Variants in ZNF395 observed in about 807,000 individuals in gnomAD.
ZNF395 encodes HD gene regulatory region-binding protein 2.
ZNF395 carries 20 observed loss-of-function variants against 57.7 expected under a neutral mutation model. The ratio of observed to expected loss-of-function variants is 0.35; its 90% confidence interval spans 0.24 to 0.50. The LOEUF (loss-of-function observed/expected upper bound fraction) is 0.50, where lower values mean the gene tolerates loss of function less well. Among genes scored for constraint, ZNF395 ranks in the 20% least tolerant of loss-of-function variants. ZNF395 has a pLI of 0.97. For missense variants in ZNF395, 606 were observed against 671.2 expected, an observed-to-expected ratio of 0.90 and a Z score of 1.07; for synonymous variants, 295 against 275.9, an observed-to-expected ratio of 1.07 and a Z score of -0.69.
At chr8:28,386,372 C>G (rs1374238762) in intron 1 of ZNF395, 21 bp downstream of exon 1, 1 of 149,280 alleles carries the variant, frequency 6.7e-6, no homozygotes, top group Non-Finnish European at 1.5e-5. Flanking sequence ...AGCACGCCCC[C>G]AGCGCGCCTG....
intron 1 of ZNF395, among the ~76,000 whole-genome samples, chr8:28,369,301 G>A (rs892836238): frequency 1.1e-4 from 17 of 152,162 alleles, no homozygotes; most frequent in African/African-American, 3.9e-4. Context: ...GAACTCAAAT[G>A]TCACTTCAAT....
At chr8:28,367,488 C>T (rs1801924739) in intron 1 of ZNF395, among the ~76,000 whole-genome samples, 1 of 152,246 alleles carries the variant, frequency 6.6e-6, no homozygotes, top group Non-Finnish European at 1.5e-5. Flanking sequence ...AATATTCCTG[C>T]TGGTCTGACT....
Position 28,346,249 on chromosome 8 carries a change from G to C in ZNF395, c.*2470C>G, listed in dbSNP as rs575641955. On this transcript the variant is annotated 3_prime_UTR_variant, in exon 10 of 10. Transcript: ENST00000344423. ...CACCTACGGCACCTTCCTTCCATCA[G>C]AGTCTGCTGCCCGGGTGGGCTGGGA... 3 of 152,204 alleles carry C rather than the reference G, an allele frequency of 2.0e-5. No individual in the cohort carries two copies. Among genetic ancestry groups the C allele is most frequent in the Non-Finnish European group, 4.4e-5 (3 of 68,040 alleles). 9.4% of individuals were successfully genotyped at this position (152,204 alleles called of 1,614,324 possible).
rs1363500461 is a variant in ZNF395, at chr8:28,384,114, C to G, written c.-59+2279G>C. On this transcript the variant is annotated intron_variant, in intron 1 of 9. Coordinates refer to ENST00000344423, the MANE Select transcript of ZNF395 (RefSeq NM_018660.3). The stretch of plus-strand genomic sequence containing the variant: ...TCTGGCCACCCTGCAACTCCAACAG[C>G]CTGCTCACTGATGTGTCCCCCTAAC... Among the ~76,000 whole-genome samples the G allele has an allele frequency of 2.0e-5, 3 of 152,252 alleles. 1 individual carries two copies. The South Asian group carries it at 6.2e-4, about 32-fold the overall frequency.
chr8:28,381,450 T>G (rs1335919506), intron 1 of ZNF395, among the ~76,000 whole-genome samples: 1 of 152,194 alleles, frequency 6.6e-6, no homozygotes, highest in African/African-American at 2.4e-5. Context: ...CCCAAAGTGC[T>G]GGGATTACAG....
At chr8:28,371,614 T>C (rs531311442) in intron 1 of ZNF395, among the ~76,000 whole-genome samples, 5 of 152,170 alleles carry the variant, frequency 3.3e-5, no homozygotes, top group African/African-American at 1.2e-4. Context: ...GTATTAGTGG[T>C]TGTGGCATGG....
Position 28,348,763 on chromosome 8 carries a change from T to C in ZNF395, c.1498A>G (p.Thr500Ala). 1 of 1,614,062 alleles carries C rather than the reference T, an allele frequency of 6.2e-7. No homozygotes were observed. Among genetic ancestry groups the C allele is most frequent in the Non-Finnish European group, 8.5e-7 (1 of 1,179,988 alleles). ...CAGGCCTTCTTCCACCGGCAGGCCG[T>C]GCACCACTGGTCCCGGTGCTCGATG... ...YGIEHRDQWC[T>A]ACRWKKACQR... The change falls in exon 10 of 10, where the codon ACG becomes GCG. Residue 500 changes from threonine (T) to alanine (A), a missense_variant. This residue lies in a region of ZNF395 where 36 missense variants were observed against 56.2 expected (regional missense o/e 0.64). Transcript: ENST00000344423.
intron 7 of ZNF395, 27 bp downstream of exon 7, chr8:28,351,468 G>C: frequency 6.4e-7 from 1 of 1,559,002 alleles, no homozygotes; most frequent in South Asian, 1.2e-5. Context: ...CTATGAGCCT[G>C]AGCCTCCAGC....
chr8:28,349,958 G>A (rs111760606), intron 8 of ZNF395, 106 bp downstream of exon 8: 48,175 of 1,013,874 alleles, frequency 0.048, 1,406 homozygotes, highest in Non-Finnish European at 0.056. Context: ...TGGCCACACC[G>A]ACCTGTGGCC....
intron 1 of ZNF395, among the ~76,000 whole-genome samples, chr8:28,363,132 T>G (rs1204896213): frequency 3.2e-5 from 4 of 124,836 alleles, no homozygotes; most frequent in Admixed American, 7.7e-5. Context: ...TTTGTTTGGG[T>G]TTTTTTTTTT....
intron 9 of ZNF395, 58 bp downstream of exon 9, chr8:28,349,067 C>A: frequency 6.7e-7 from 1 of 1,498,082 alleles, no homozygotes; most frequent in South Asian, 1.3e-5. Context: ...TCGGAGTCCA[C>A]GCCACTGGAG....
rs369134953 is a variant in ZNF395 at position 28,360,728 on chromosome 8, CTT to C, written c.240+155_240+156del. Among the ~76,000 whole-genome samples, 27 of 152,368 alleles carry C rather than the reference CTT, an allele frequency of 1.8e-4. No individual in the cohort carries two copies. The South Asian group carries it at 4.4e-3, about 25-fold the overall frequency. ...GGGTCTACTAACAATGTCATATTCT[CTT>C]GGGCGATCTGCTGCCCAGGTGCCCT... is the stretch of plus-strand genomic sequence containing the variant. On this transcript the variant is annotated intron_variant, in intron 2 of 9. Coordinates refer to ENST00000344423, the MANE Select transcript of ZNF395 (RefSeq NM_018660.3).
chr8:28,356,639 C>A lies in ZNF395; in HGVS notation c.583+31G>T. ...ATGTTTGTCGTGGGCCTCTACCATG[C>A]CCAGAACCCAGCTGGGCCCCGCTTG... On this transcript the variant is annotated intron_variant, in intron 4 of 9. Transcript: ENST00000344423. The surrounding 1 kb of genome is among the most constrained non-coding windows in gnomAD (Gnocchi z 4.0). 5 of 1,578,834 alleles carry A rather than the reference C, an allele frequency of 3.2e-6. No individual in the cohort carries two copies. Among genetic ancestry groups the A allele is most frequent in the Non-Finnish European group, 4.3e-6 (5 of 1,149,876 alleles).
In ZNF395 at chr8:28,361,718, G is replaced by A. The variant is rs948650908; in HGVS notation, c.-58-536C>T. Reference sequence around the variant, plus strand: ...CAACTTCCAGGATACAATATTGCTCGGTCAAAGCCTGAGGACGTCTGTCTG... The same window carrying A: ...CAACTTCCAGGATACAATATTGCTCAGTCAAAGCCTGAGGACGTCTGTCTG... On this transcript the variant is annotated intron_variant, in intron 1 of 9. Transcript: ENST00000344423. Among the ~76,000 whole-genome samples, 12 of 152,242 alleles carry A rather than the reference G, an allele frequency of 7.9e-5. 1 individual carries two copies. The highest frequency in any genetic ancestry group is 6.2e-4 in the South Asian group (3 of 4,828).
rs746469926 is a variant in ZNF395 at position 28,352,743 on chromosome 8, G to A, written c.820-70C>T. 2 of 1,409,110 alleles carry A rather than the reference G, an allele frequency of 1.4e-6. No individual in the cohort carries two copies. 87.3% of individuals were successfully genotyped at this position (1,409,110 alleles called of 1,614,324 possible). On this transcript the variant is annotated intron_variant, in intron 5 of 9. Transcript: ENST00000344423. The surrounding 1 kb of genome is among the most constrained non-coding windows in gnomAD (Gnocchi z 4.0). ...ATCCCTCGCTCAACCTTACCCAGTG[G>A]GGACTCAAACTGGCTGCTGTCCCCG...
chr8:28,386,161 C>T (rs1222345992), intron 1 of ZNF395: 2 of 148,762 alleles, frequency 1.3e-5, no homozygotes, highest in African/African-American at 4.9e-5. Context: ...CGCCGAGGCT[C>T]GGTTGGCGCC....
At chr8:28,384,665 TCTC>T (rs761647146) in intron 1 of ZNF395, among the ~76,000 whole-genome samples, 31 of 152,130 alleles carry the variant, frequency 2.0e-4, no homozygotes, top group Non-Finnish European at 4.0e-4. Context: ...GTTACTTTCT[TCTC>T]CTCTTGTCTT....
At chr8:28,372,145 G>GA (rs1801984562) in intron 1 of ZNF395, among the ~76,000 whole-genome samples, 1 of 152,138 alleles carries the variant, frequency 6.6e-6, no homozygotes, top group Admixed American at 6.5e-5. Context: ...TGCAAAATGA[G>GA]AAAAAGTATT....
chr8:28,348,784 C>G lies in ZNF395; in HGVS notation c.1477G>C (p.Glu493Gln), dbSNP rs770986859. ...AKKCRKVYGI[E>Q]HRDQWCTACR... The stretch of plus-strand genomic sequence containing the variant: ...GCCGTGCACCACTGGTCCCGGTGCT[C>G]GATGCCATACACCTTGCGGCACTTC... The change falls in exon 10 of 10, where the codon GAG becomes CAG. Residue 493 changes from glutamate (E) to glutamine (Q), a missense_variant. Transcript: ENST00000344423. The G allele has an allele frequency of 6.2e-7, 1 of 1,614,092 alleles. No homozygotes were observed. The highest frequency in any genetic ancestry group is 1.7e-5 in the Admixed American group (1 of 60,018).
Sources: allele counts gnomAD v4.1 joint callset (sites outside exome capture counted in the v4.1 genomes callset), GRCh38; gene constraint gnomAD v4.1.1; regional missense constraint gnomAD v4.1.1; non-coding constraint Gnocchi (gnomAD v3.1); transcripts MANE v1.5; gene names NCBI Gene and HGNC (gene_info 2026-07-23, HGNC 2026-07-21).